DENND10: variants seen among roughly 807,000 people sequenced by gnomAD.
DENND10 encodes the protein DENN domain containing 10.
A neutral mutation model predicts 43.6 loss-of-function variants in DENND10; 24 were observed. That is an observed-to-expected ratio of 0.55 (90% CI 0.40 to 0.77). The LOEUF (loss-of-function observed/expected upper bound fraction) is 0.77, where lower values mean the gene tolerates loss of function less well. Among genes scored for constraint, DENND10 ranks in the 30% least tolerant of loss-of-function variants. The probability of loss-of-function intolerance (pLI) is 0.00; values close to 1 mark genes in which losing one functional copy is unlikely to be tolerated. For missense variants in DENND10, 303 were observed against 429.9 expected, an observed-to-expected ratio of 0.70 and a Z score of 2.61; for synonymous variants, 125 against 157.6, an observed-to-expected ratio of 0.79 and a Z score of 1.55.
At chr10:119,125,094 C>T (rs1845764504) in intron 6 of DENND10, among the ~76,000 whole-genome samples, 1 of 151,950 alleles carries the variant, frequency 6.6e-6, no homozygotes, top group Admixed American at 6.6e-5. Flanking sequence ...GCCTTAGCCT[C>T]CCTAGTAGCT....
chr10:119,120,741 G>A (rs1268512966), intron 5 of DENND10, among the ~76,000 whole-genome samples: 1 of 152,176 alleles, frequency 6.6e-6, no homozygotes, highest in Non-Finnish European at 1.5e-5. Flanking sequence ...TGCCTAGGTA[G>A]CACAAAAGCA....
intron 4 of DENND10, 22 bp downstream of exon 4, chr10:119,117,689 C>A: frequency 5.0e-6 from 8 of 1,611,702 alleles, no homozygotes; most frequent in Non-Finnish European, 6.8e-6. Context: ...AAAAACAGGC[C>A]AGGGACGGTG....
Position 119,132,069 on chromosome 10 carries a change from G to A in DENND10, c.803-446G>A, listed in dbSNP as rs982780401. Among the ~76,000 whole-genome samples, 1 of 152,112 alleles carries A rather than the reference G, an allele frequency of 6.6e-6. No individual in the cohort carries two copies. Among genetic ancestry groups the A allele is most frequent in the Non-Finnish European group, 1.5e-5 (1 of 68,024 alleles). On this transcript the variant is annotated intron_variant, in intron 7 of 8. Transcript: ENST00000361432. This position sits in a 1 kb window ranked among gnomAD's most constrained non-coding sequence, Gnocchi z 4.2. ...TTTGCTCATTTCTAAGAATCTAAAC[G>A]AATTGAGCGCCCAGCTGGCTTCTGC... is the stretch of plus-strand genomic sequence containing the variant.
chr10:119,111,758 T>C, intron 2 of DENND10, 91 bp from the exon 3 acceptor site: 1 of 1,001,696 alleles, frequency 1.0e-6, no homozygotes, highest in Non-Finnish European at 1.6e-6. Flanking sequence ...TACTGTTGTG[T>C]CTTATACAAA....
At chr10:119,129,781 G>A (rs944800894) in intron 7 of DENND10, among the ~76,000 whole-genome samples, 159 bp downstream of exon 7, 2 of 152,174 alleles carry the variant, frequency 1.3e-5, no homozygotes, top group Non-Finnish European at 2.9e-5. Context: ...TATAAACATA[G>A]ACATATTAGC....
chr10:119,124,147 C>G (rs1238209200), intron 6 of DENND10, among the ~76,000 whole-genome samples: 2 of 148,248 alleles, frequency 1.3e-5, no homozygotes, highest in Non-Finnish European at 3.0e-5. Flanking sequence ...GAGCCAAGAT[C>G]ACACCACTAC....
At chr10:119,119,235 C>G (rs1845447794) in intron 4 of DENND10, among the ~76,000 whole-genome samples, 1 of 152,124 alleles carries the variant, frequency 6.6e-6, no homozygotes, top group African/African-American at 2.4e-5. Flanking sequence ...AACTCCTGAC[C>G]TCAGGTGATC....
intron 8 of DENND10, chr10:119,133,801 G>A (rs1846188198): frequency 6.6e-6 from 1 of 152,204 alleles, no homozygotes; most frequent in African/African-American, 2.4e-5. Flanking sequence ...CCTACCATGG[G>A]AATCCTCACT....
intron 6 of DENND10, among the ~76,000 whole-genome samples, chr10:119,127,881 C>T (rs544587368): frequency 1.8e-4 from 28 of 152,234 alleles, no homozygotes; most frequent in African/African-American, 6.3e-4. Context: ...CCTCCCACCT[C>T]GGCTTTCCAA....
chr10:119,114,118 C>G (rs1044622789), intron 3 of DENND10: 2 of 152,166 alleles, frequency 1.3e-5, no homozygotes, highest in Admixed American at 1.3e-4. Context: ...TTGTGCAGTG[C>G]GTGGCATTGT....
intron 2 of DENND10, among the ~76,000 whole-genome samples, chr10:119,109,357 C>T (rs1844865795): frequency 6.6e-6 from 1 of 151,980 alleles, no homozygotes; most frequent in South Asian, 2.1e-4. Flanking sequence ...CTTTCCTAAT[C>T]CCAAGCAACC....
At chr10:119,136,258 G>A (rs1159445627) in intron 8 of DENND10, among the ~76,000 whole-genome samples, 1 of 150,808 alleles carries the variant, frequency 6.6e-6, no homozygotes, top group Non-Finnish European at 1.5e-5. Flanking sequence ...GTGCAGTGGT[G>A]CAATCATGGC....
At chr10:119,105,648 A>C in intron 1 of DENND10, 1 of 371,662 alleles carries the variant, frequency 2.7e-6, no homozygotes, top group Non-Finnish European at 3.8e-6. Flanking sequence ...ATATGATCAT[A>C]TTTTGAACTC....
At chr10:119,129,369 T>C (rs949368250) in intron 6 of DENND10, 146 bp from the exon 7 acceptor site, 2 of 620,666 alleles carry the variant, frequency 3.2e-6, no homozygotes, top group African/African-American at 3.7e-5. Flanking sequence ...AATGTAGTCT[T>C]ACTAACTGCC....
At chr10:119,130,693 ACAGTCATCTGAAGGCTC>A (rs1258323707) in intron 7 of DENND10, among the ~76,000 whole-genome samples, 1 of 152,228 alleles carries the variant, frequency 6.6e-6, no homozygotes, top group Admixed American at 6.5e-5. Flanking sequence ...TCCCAGAGCC[ACAGTCATCTGAAGGCTC>A]CACTGGGGCT....
intron 2 of DENND10, among the ~76,000 whole-genome samples, chr10:119,109,237 T>C (rs1844858345): frequency 6.8e-6 from 1 of 146,292 alleles, no homozygotes; most frequent in African/African-American, 2.5e-5. Context: ...AAAAAAGAAT[T>C]TAGAAAGGAT....
chr10:119,110,862 T>TA (rs1844941025), intron 2 of DENND10, among the ~76,000 whole-genome samples: 1 of 152,204 alleles, frequency 6.6e-6, no homozygotes, highest in South Asian at 2.1e-4. Context: ...CATCCTTTTA[T>TA]AACGAAGAAC....
chr10:119,123,316 G>T (rs1322825312), intron 5 of DENND10, among the ~76,000 whole-genome samples, 153 bp from the exon 6 acceptor site: 1 of 152,196 alleles, frequency 6.6e-6, no homozygotes, highest in Non-Finnish European at 1.5e-5. Context: ...GAAGCCCAGA[G>T]GTTAGCACAT....
At chr10:119,135,916 C>T (rs1846333966) in intron 8 of DENND10, among the ~76,000 whole-genome samples, 1 of 150,330 alleles carries the variant, frequency 6.7e-6, no homozygotes, top group Non-Finnish European at 1.5e-5. Flanking sequence ...TGGCTCAGAT[C>T]TATAATCCCA....
Sources: allele counts gnomAD v4.1 joint callset (sites outside exome capture counted in the v4.1 genomes callset), GRCh38; gene constraint gnomAD v4.1.1; non-coding constraint Gnocchi (gnomAD v3.1); transcripts MANE v1.5; gene names NCBI Gene and HGNC (gene_info 2026-07-23, HGNC 2026-07-21).